Variants in PRKACB observed in about 807,000 individuals in gnomAD.
PRKACB encodes the protein cAMP-dependent protein kinase catalytic subunit beta.
A neutral mutation model predicts 51.4 loss-of-function variants in PRKACB; 16 were observed. The ratio of observed to expected loss-of-function variants is 0.31; its 90% CI spans 0.21 to 0.47. The LOEUF is 0.47. Ranked by LOEUF, PRKACB falls within the 20% of genes least tolerant of loss-of-function variation. PRKACB has a pLI of 1.00. For missense variants in PRKACB, 309 were observed against 464.5 expected, an observed-to-expected ratio of 0.67 and a Z score of 3.08; for synonymous variants, 147 against 154.4, an observed-to-expected ratio of 0.95 and a Z score of 0.35.
In PRKACB at chr1:84,159,081, T is replaced by C. The variant is rs532599853; in HGVS notation, c.187+14533T>C. On this transcript the variant is annotated intron_variant, in intron 1 of 9. Transcript: ENST00000370685. ...AATCACATAGTGTAAGTCCTCCAAC[T>C]TTGTTCTTCTTTTATCAAAATTGTT... is the stretch of plus-strand genomic sequence containing the variant. Among the ~76,000 whole-genome samples, 7 of 152,232 alleles carry C rather than the reference T, an allele frequency of 4.6e-5. No individual in the cohort carries two copies. The East Asian group carries it at 9.6e-4, about 21-fold the overall frequency.
intron 1 of PRKACB, among the ~76,000 whole-genome samples, chr1:84,105,675 A>C (rs772474869): frequency 2.4e-4 from 37 of 152,000 alleles, no homozygotes; most frequent in Non-Finnish European, 4.6e-4. Context: ...TCCCGGATTC[A>C]AGTGATTCTC....
chr1:84,183,377 T>G (rs1327458061), intron 3 of PRKACB, among the ~76,000 whole-genome samples: 1 of 151,928 alleles, frequency 6.6e-6, no homozygotes, highest in African/African-American at 2.4e-5. Context: ...GATACAAAGA[T>G]AGTTTTTGTT....
chr1:84,139,005 A>C lies in PRKACB; in HGVS notation c.47-40172A>C, dbSNP rs577706512. 1.1e-3 allele frequency among the ~76,000 whole-genome samples: 165 copies of C among 152,146 alleles called. 1 individual carries two copies. Among genetic ancestry groups the C allele is most frequent in the Non-Finnish European group, 2.1e-3 (143 of 68,006 alleles). Reference sequence around the variant, plus strand: ...CATCCTCCTAAGATAACTCTTCACTAACCCAGGAAAAAAAAAGGAAACTTT... The same window carrying C: ...CATCCTCCTAAGATAACTCTTCACTCACCCAGGAAAAAAAAAGGAAACTTT... On this transcript the variant is annotated intron_variant, in intron 1 of 8. Transcript: ENST00000370688.
chr1:84,119,306 T>G (rs1245724578), intron 1 of PRKACB, among the ~76,000 whole-genome samples: 3 of 152,104 alleles, frequency 2.0e-5, no homozygotes, highest in Non-Finnish European at 4.4e-5. Flanking sequence ...TCCAAAACTT[T>G]AAGAACAAGG....
chr1:84,142,900 AT>A (rs1653562565), upstream of PRKACB, among the ~76,000 whole-genome samples: 1 of 151,980 alleles, frequency 6.6e-6, no homozygotes, highest in Non-Finnish European at 1.5e-5. Context: ...TATTGTTTCT[AT>A]TTTTTATGTT....
At chr1:84,143,173 C>T (rs1653592489), upstream of PRKACB, among the ~76,000 whole-genome samples, 1 of 152,080 alleles carries the variant, frequency 6.6e-6, no homozygotes, top group African/African-American at 2.4e-5. Flanking sequence ...TGGCCAGGCG[C>T]GGTGGCTCAC....
chr1:84,102,402 T>G (rs1415923292), intron 1 of PRKACB, among the ~76,000 whole-genome samples: 1 of 151,588 alleles, frequency 6.6e-6, no homozygotes, highest in Non-Finnish European at 1.5e-5. Context: ...AAATAAAAAA[T>G]GAAAACAAAA....
At chr1:84,129,204 G>A (rs1023852329) in intron 1 of PRKACB, among the ~76,000 whole-genome samples, 4 of 151,880 alleles carry the variant, frequency 2.6e-5, no homozygotes, top group African/African-American at 7.3e-5. Context: ...TTAACTTACT[G>A]CTTAATATTC....
chr1:84,218,073 C>T lies in PRKACB; in HGVS notation c.1071+3756C>T, dbSNP rs549032000. Among the ~76,000 whole-genome samples, 22 of 152,048 alleles carry T rather than the reference C, an allele frequency of 1.4e-4. No homozygotes were observed. The South Asian group carries it at 3.5e-3, about 24-fold the overall frequency. ...AGTACATGTTATATTTTAATATATG[C>T]GTAGTATGTGTAGTGATCAAAGCTG... is the stretch of plus-strand genomic sequence containing the variant. On this transcript the variant is annotated intron_variant, in intron 9 of 9. Transcript: ENST00000370685.
chr1:84,090,813 G>A (rs995763954), intron 1 of PRKACB, among the ~76,000 whole-genome samples: 8 of 152,100 alleles, frequency 5.3e-5, no homozygotes, highest in African/African-American at 1.7e-4. Flanking sequence ...TGTATCAAGG[G>A]AAGTTGAATT....
chr1:84,145,553 T>G (rs1653943209), intron 1 of PRKACB, among the ~76,000 whole-genome samples: 1 of 152,138 alleles, frequency 6.6e-6, no homozygotes, highest in South Asian at 2.1e-4. Flanking sequence ...TAGAAGCTTA[T>G]TTGAATTAAT....
At chr1:84,234,906 T>G (rs921611693) in intron 9 of PRKACB, among the ~76,000 whole-genome samples, 7 of 152,232 alleles carry the variant, frequency 4.6e-5, no homozygotes, top group African/African-American at 1.7e-4. Context: ...CTGTAGACCG[T>G]ACCTGTTCCT....
At chr1:84,169,201 T>C (rs1658555933) in intron 1 of PRKACB, among the ~76,000 whole-genome samples, 1 of 151,502 alleles carries the variant, frequency 6.6e-6, no homozygotes, top group Non-Finnish European at 1.5e-5. Flanking sequence ...CTCCAAGAGG[T>C]AGAGAATGAA....
intron 3 of PRKACB, 117 bp from the exon 4 acceptor site, chr1:84,183,920 T>C: frequency 9.1e-7 from 1 of 1,100,114 alleles, no homozygotes; most frequent in Non-Finnish European, 1.2e-6. Context: ...ATCTTCCTTA[T>C]CCAATTCTAA....
At chr1:84,171,406 A>C (rs892788192) in intron 1 of PRKACB, among the ~76,000 whole-genome samples, 27 of 151,640 alleles carry the variant, frequency 1.8e-4, no homozygotes, top group African/African-American at 6.5e-4. Context: ...TGTTTTAAAA[A>C]TTGAATCACA....
chr1:84,235,030 C>A, intron 9 of PRKACB, 150 bp from the exon 10 acceptor site: 1 of 789,512 alleles, frequency 1.3e-6, no homozygotes, highest in Non-Finnish European at 2.0e-6. Context: ...CTGCTTGCTG[C>A]TTCTTCTAGC....
chr1:84,200,949 C>T (rs1044152779), intron 7 of PRKACB, among the ~76,000 whole-genome samples: 1 of 152,028 alleles, frequency 6.6e-6, no homozygotes, highest in Non-Finnish European at 1.5e-5. Context: ...AGCCACTCTT[C>T]TATCGTTGAG....
intron 9 of PRKACB, 78 bp downstream of exon 9, chr1:84,214,395 T>G (rs1572484966): frequency 1.5e-6 from 2 of 1,303,416 alleles, no homozygotes; most frequent in Admixed American, 5.2e-5. Context: ...ATTTTCAACT[T>G]AACACATAGT....
chr1:84,231,187 T>C (rs551232787), intron 9 of PRKACB, among the ~76,000 whole-genome samples: 112 of 152,242 alleles, frequency 7.4e-4, no homozygotes, highest in Middle Eastern at 3.4e-3. Flanking sequence ...AATCATGTGG[T>C]TTTTTCTTTG....
Sources: gnomAD v4.1 joint callset for allele counts (sites outside exome capture counted in the v4.1 genomes callset) on GRCh38, gnomAD v4.1.1 for gene constraint, MANE v1.5 for transcripts, NCBI Gene and HGNC (gene_info 2026-07-23, HGNC 2026-07-21) for gene names.